The following NKAIN2 variants were observed in gnomAD, a reference collection of about 807,000 sequenced individuals.
NKAIN2 encodes sodium/potassium-transporting ATPase subunit beta-1-interacting protein 2.
In NKAIN2, 14 loss-of-function variants were observed where a neutral mutation model predicts 32.6. That is an observed-to-expected ratio of 0.43 (90% CI 0.28 to 0.67). The LOEUF (loss-of-function observed/expected upper bound fraction) is 0.67. Ranked by LOEUF, NKAIN2 falls within the 30% of genes least tolerant of loss-of-function variation. NKAIN2 has a pLI of 0.17. For synonymous variants in NKAIN2, 80 were observed against 87.2 expected (o/e 0.92, Z 0.46); for missense variants, 198 against 258.3 (o/e 0.77, Z 1.60).
At chr6:124,050,287 G>A (rs918211190) in intron 1 of NKAIN2, among the ~76,000 whole-genome samples, 1 of 152,014 alleles carries the variant, frequency 6.6e-6, no homozygotes. Flanking sequence ...TTTTACTAAT[G>A]AAGTATACAA....
intron 3 of NKAIN2, among the ~76,000 whole-genome samples, chr6:124,524,118 A>G (rs1779223110): frequency 6.6e-6 from 1 of 152,164 alleles, no homozygotes; most frequent in Non-Finnish European, 1.5e-5. Flanking sequence ...TGTCTTGACA[A>G]TGTTGTATTG....
At chr6:124,359,459 T>C (rs1279257231) in intron 3 of NKAIN2, among the ~76,000 whole-genome samples, 3 of 152,330 alleles carry the variant, frequency 2.0e-5, no homozygotes, top group African/African-American at 7.2e-5. Context: ...GAGCAGTGGT[T>C]TGTAGTTCTC....
Position 124,047,372 on chromosome 6 carries a change from G to A in NKAIN2, c.55-235633G>A, listed in dbSNP as rs565694747. Among the ~76,000 whole-genome samples the A allele has an allele frequency of 2.0e-5, 3 of 151,960 alleles. No homozygotes were observed. In the South Asian group the frequency reaches 6.2e-4, roughly 32 times the overall value. ...AGTCAGTACAAGTTGTATGGTTTTC[G>A]TATGTCTATAAAATGCAAGGACAGT... On this transcript the variant is annotated intron_variant, in intron 1 of 6. Transcript: ENST00000368417.
intron 1 of NKAIN2, among the ~76,000 whole-genome samples, chr6:124,267,628 C>A (rs959951669): frequency 6.6e-6 from 1 of 151,942 alleles, no homozygotes; most frequent in African/African-American, 2.4e-5. Flanking sequence ...AAATGTGTTG[C>A]TTATCACAAT....
intron 3 of NKAIN2, among the ~76,000 whole-genome samples, chr6:124,395,527 G>A (rs1182946465): frequency 6.6e-6 from 1 of 152,072 alleles, no homozygotes; most frequent in Non-Finnish European, 1.5e-5. Flanking sequence ...TAAAAGAAAT[G>A]GTTAATAAAA....
chr6:124,503,522 G>C (rs1778370852), intron 3 of NKAIN2, among the ~76,000 whole-genome samples: 1 of 152,136 alleles, frequency 6.6e-6, no homozygotes, highest in South Asian at 2.1e-4. Flanking sequence ...GACTGGGATG[G>C]TGAAGCAGTC....
At chr6:124,735,470 T>TA (rs1175947740) in intron 4 of NKAIN2, among the ~76,000 whole-genome samples, 2 of 151,896 alleles carry the variant, frequency 1.3e-5, no homozygotes, top group Non-Finnish European at 2.9e-5. Context: ...AGTACAGAGT[T>TA]AAAAAAATAA....
chr6:123,994,816 A>G (rs1258864424), intron 1 of NKAIN2, among the ~76,000 whole-genome samples: 1 of 152,104 alleles, frequency 6.6e-6, no homozygotes, highest in East Asian at 1.9e-4. Flanking sequence ...TTTTATGTCG[A>G]TTGTTATTAT....
chr6:124,656,088 T>C (rs1202373985), intron 3 of NKAIN2, among the ~76,000 whole-genome samples: 1 of 152,194 alleles, frequency 6.6e-6, no homozygotes, highest in Non-Finnish European at 1.5e-5. Flanking sequence ...TTTGCTTTGG[T>C]AACCAAACAT....
chr6:124,124,297 G>A (rs948342377), intron 1 of NKAIN2, among the ~76,000 whole-genome samples: 13 of 152,056 alleles, frequency 8.5e-5, no homozygotes, highest in African/African-American at 2.9e-4. Flanking sequence ...ATTTCCAGTA[G>A]CTACCTCAAT....
intron 3 of NKAIN2, among the ~76,000 whole-genome samples, chr6:124,620,609 T>A (rs976602655): frequency 1.3e-5 from 2 of 152,234 alleles, no homozygotes; most frequent in African/African-American, 4.8e-5. Flanking sequence ...TAACATTGGC[T>A]ATTAATGTAA....
chr6:124,473,006 G>T (rs1210540689), intron 3 of NKAIN2, among the ~76,000 whole-genome samples: 1 of 152,120 alleles, frequency 6.6e-6, no homozygotes, highest in Non-Finnish European at 1.5e-5. Flanking sequence ...ACTCACCAGT[G>T]ATTATACATC....
chr6:124,497,499 T>A (rs1778106888), intron 3 of NKAIN2, among the ~76,000 whole-genome samples: 1 of 152,118 alleles, frequency 6.6e-6, no homozygotes, highest in African/African-American at 2.4e-5. Flanking sequence ...ATATGTGGTC[T>A]TGGTTGTTCC....
In NKAIN2 at chr6:124,476,065, A is replaced by AGTGTGTGTGTGT. The variant is rs61191593; in HGVS notation, c.273+120740_273+120751dup. Among the ~76,000 whole-genome samples the AGTGTGTGTGTGT allele has an allele frequency of 8.2e-3, 1,085 of 132,512 alleles. 18 individuals carry two copies. The highest frequency in any genetic ancestry group is 0.029 in the African/African-American group (1,014 of 34,756). 86.9% of individuals were successfully genotyped at this position (132,512 alleles called of 152,430 possible). On this transcript the variant is annotated intron_variant, in intron 3 of 6. Transcript: ENST00000368417. ...GTGTGTGTGAGAGAGAGAGAGAGAG[A>AGTGTGTGTGTGT]GTGTGTGTGTGTGTGTGTGTGTGTG...
At chr6:124,369,435 G>A (rs1372673077) in intron 3 of NKAIN2, among the ~76,000 whole-genome samples, 2 of 152,116 alleles carry the variant, frequency 1.3e-5, no homozygotes, top group Non-Finnish European at 2.9e-5. Flanking sequence ...CTTAGGTCAA[G>A]CTTGTCCAAT....
At chr6:123,817,318 A>T (rs574364612) in intron 1 of NKAIN2, among the ~76,000 whole-genome samples, 1 of 152,214 alleles carries the variant, frequency 6.6e-6, no homozygotes, top group African/African-American at 2.4e-5. Context: ...CCTGGCCTTT[A>T]TACACTAGTT....
At position 123,953,730 on chromosome 6, in the gene NKAIN2, G is replaced by T. The variant is rs139465218; in HGVS notation, c.54+149476G>T. Among the ~76,000 whole-genome samples, 222 of 152,294 alleles carry T rather than the reference G, an allele frequency of 1.5e-3. 1 individual carries two copies. Among genetic ancestry groups the T allele is most frequent in the African/African-American group, 5.1e-3 (213 of 41,552 alleles). The stretch of plus-strand genomic sequence containing the variant: ...TGGAGCCAGGCCTAGTAGACCTTTT[G>T]TCAGGTCCCATGGTGGTGCTTGCAG... On this transcript the variant is annotated intron_variant, in intron 1 of 6. Transcript: ENST00000368417.
chr6:124,692,371 C>T (rs983902201), intron 4 of NKAIN2, among the ~76,000 whole-genome samples: 1 of 152,012 alleles, frequency 6.6e-6, no homozygotes, highest in African/African-American at 2.4e-5. Flanking sequence ...TATTTCTCAC[C>T]CTCCCGTTTT....
At chr6:123,992,773 G>C (rs113698674) in intron 1 of NKAIN2, among the ~76,000 whole-genome samples, 1 of 152,138 alleles carries the variant, frequency 6.6e-6, no homozygotes, top group Non-Finnish European at 1.5e-5. Context: ...AACTAAAATG[G>C]CCTTTATTAG....
Sources: gnomAD v4.1 joint callset for allele counts (sites outside exome capture counted in the v4.1 genomes callset) on GRCh38, gnomAD v4.1.1 for gene constraint, MANE v1.5 for transcripts, NCBI Gene and HGNC (gene_info 2026-07-23, HGNC 2026-07-21) for gene names.